PHACTR3: variants seen among roughly 807,000 people sequenced by gnomAD.
The protein encoded by PHACTR3 is protein phosphatase 1, regulatory subunit 123.
A neutral mutation model predicts 66.8 loss-of-function variants in PHACTR3; 16 were observed. That is an observed-to-expected ratio of 0.24 (90% CI 0.16 to 0.36). The LOEUF (loss-of-function observed/expected upper bound fraction) is 0.36. PHACTR3 is among the 10% of genes least tolerant of loss of function. PHACTR3 has a pLI of 1.00. For synonymous variants in PHACTR3, 323 were observed against 292.1 expected, an observed-to-expected ratio of 1.11 and a Z score of -1.08; for missense variants, 647 against 719.9, an observed-to-expected ratio of 0.90 and a Z score of 1.16.
At chr20:59,786,950 A>C (rs939921001) in intron 7 of PHACTR3, among the ~76,000 whole-genome samples, 7 of 151,686 alleles carry the variant, frequency 4.6e-5, no homozygotes, top group Non-Finnish European at 7.4e-5. Context: ...TTCAGGAAGT[A>C]TGCAGGACTT....
At chr20:59,757,275 C>T (rs1167543259) in intron 4 of PHACTR3, among the ~76,000 whole-genome samples, 1 of 152,246 alleles carries the variant, frequency 6.6e-6, no homozygotes, top group African/African-American at 2.4e-5. Flanking sequence ...CCTGTGCCTG[C>T]TCCCCTCAGT....
intron 1 of PHACTR3, among the ~76,000 whole-genome samples, chr20:59,696,633 G>A (rs1037357659): frequency 1.3e-5 from 2 of 152,144 alleles, no homozygotes; most frequent in South Asian, 2.1e-4. Flanking sequence ...TGAGAAGGCC[G>A]GGGAGCAGCT....
intron 1 of PHACTR3, among the ~76,000 whole-genome samples, chr20:59,667,850 C>T (rs1183642075): frequency 6.6e-6 from 1 of 152,206 alleles, no homozygotes; most frequent in Non-Finnish European, 1.5e-5. Context: ...GATGGCCATT[C>T]AGGCACTGCT....
chr20:59,639,132 G>C (rs1484636948), intron 1 of PHACTR3, among the ~76,000 whole-genome samples: 3 of 151,704 alleles, frequency 2.0e-5, no homozygotes. Context: ...TGATGGCTAG[G>C]TAGATATATG....
chr20:59,779,523 G>C (rs76239752), intron 7 of PHACTR3, among the ~76,000 whole-genome samples: 3 of 152,112 alleles, frequency 2.0e-5, no homozygotes, highest in Non-Finnish European at 4.4e-5. Flanking sequence ...ATCTCCATGG[G>C]GTGAAAGCAG....
chr20:59,634,325 G>A (rs909106325), intron 1 of PHACTR3, among the ~76,000 whole-genome samples: 17 of 152,204 alleles, frequency 1.1e-4, no homozygotes, highest in African/African-American at 3.9e-4. Context: ...CTCCAACTCC[G>A]TTCCCTCCTT....
chr20:59,801,741 T>C (rs1174494939), intron 7 of PHACTR3, among the ~76,000 whole-genome samples: 2 of 152,228 alleles, frequency 1.3e-5, no homozygotes, highest in African/African-American at 4.8e-5. Flanking sequence ...TTTTTCTCCA[T>C]GGAGTGAAAA....
intron 1 of PHACTR3, among the ~76,000 whole-genome samples, chr20:59,643,885 C>A (rs535757438): frequency 6.6e-6 from 1 of 152,300 alleles, no homozygotes; most frequent in South Asian, 2.1e-4. Flanking sequence ...GTGAAAGTAG[C>A]ACTTAGGCAG....
At position 59,605,116 on chromosome 20, in the gene PHACTR3, C is replaced by A; in HGVS notation, c.102C>A (p.Asp34Glu). 1 of 1,365,016 alleles carries A rather than the reference C, an allele frequency of 7.3e-7. No individual in the cohort carries two copies. The highest frequency in any genetic ancestry group is 9.5e-7 in the Non-Finnish European group (1 of 1,052,614). The allele number at this position is 1,365,016 out of a possible 1,614,324, so 84.6% of individuals were successfully genotyped here. The change falls in exon 1 of 13, where the codon GAC becomes GAA. Residue 34 changes from aspartate to glutamate, a missense_variant. Physicochemically the swap from Asp to Glu is conservative, Grantham distance 45. Coordinates refer to ENST00000371015, the MANE Select transcript of PHACTR3 (RefSeq NM_080672.5). ...ACTCCTCGGCCACCTCCTCCGCGGA[C>A]GCCGGGGAGAACCCAGGTAACGGGC... ...LTDSSATSSA[D>E]AGENPDEMDQ... is the part of the protein sequence containing the mutation.
At chr20:59,639,525 C>A (rs1048910175) in intron 1 of PHACTR3, among the ~76,000 whole-genome samples, 4 of 152,188 alleles carry the variant, frequency 2.6e-5, no homozygotes, top group Non-Finnish European at 4.4e-5. Context: ...TACCTTGGAC[C>A]TCTTCTGGGC....
chr20:59,632,997 C>A (rs2034721094), intron 1 of PHACTR3, among the ~76,000 whole-genome samples: 1 of 152,132 alleles, frequency 6.6e-6, no homozygotes, highest in African/African-American at 2.4e-5. Flanking sequence ...ACTTCCGTCC[C>A]CCACCTTGAT....
At chr20:59,745,873 A>T (rs1379851270) in intron 2 of PHACTR3, among the ~76,000 whole-genome samples, 1 of 152,162 alleles carries the variant, frequency 6.6e-6, no homozygotes, top group Non-Finnish European at 1.5e-5. Flanking sequence ...TCGCAGCTGC[A>T]TCTTTGGGTC....
At chr20:59,745,391 G>A (rs1027511888) in intron 2 of PHACTR3, among the ~76,000 whole-genome samples, 21 of 152,324 alleles carry the variant, frequency 1.4e-4, no homozygotes, top group African/African-American at 4.3e-4. Context: ...AAGCTGTGCC[G>A]TGTGAGTTCA....
intron 1 of PHACTR3, among the ~76,000 whole-genome samples, chr20:59,648,024 A>G (rs964785837): frequency 6.6e-6 from 1 of 152,208 alleles, no homozygotes; most frequent in Admixed American, 6.5e-5. Flanking sequence ...GAGGTTCCTC[A>G]TCTTATTAGT....
rs539799132 is a variant in PHACTR3 at position 59,673,742 on chromosome 20, T to C, written c.118+68610T>C. ...GAGCTCTTGGATGGGCCCTCGGCTG[T>C]CAGTGCCTCAGAGCTGCAGAAGGTC... On this transcript the variant is annotated intron_variant, in intron 1 of 12. Transcript: ENST00000371015. Among the ~76,000 whole-genome samples, 167 of 152,266 alleles carry C rather than the reference T, an allele frequency of 1.1e-3. 1 individual carries two copies. The highest frequency in any genetic ancestry group is 6.8e-4 in the Non-Finnish European group (46 of 68,014).
chr20:59,762,559 G>A (rs1368240622), intron 4 of PHACTR3, among the ~76,000 whole-genome samples: 1 of 152,126 alleles, frequency 6.6e-6, no homozygotes, highest in Non-Finnish European at 1.5e-5. Context: ...TAGTACCGAG[G>A]GTCAGGGTGG....
intron 1 of PHACTR3, among the ~76,000 whole-genome samples, chr20:59,663,431 C>T (rs992908339): frequency 2.0e-5 from 3 of 152,178 alleles, no homozygotes; most frequent in East Asian, 1.9e-4. Context: ...CACACATGGA[C>T]GTGTGAGTAA....
chr20:59,798,489 G>A (rs1043401344), intron 7 of PHACTR3, among the ~76,000 whole-genome samples: 1 of 152,184 alleles, frequency 6.6e-6, no homozygotes, highest in African/African-American at 2.4e-5. Context: ...TGAGACTGCA[G>A]TGTGTATGTG....
intron 1 of PHACTR3, among the ~76,000 whole-genome samples, chr20:59,581,315 G>C (rs371453190): frequency 6.6e-6 from 1 of 152,218 alleles, no homozygotes; most frequent in Non-Finnish European, 1.5e-5. Flanking sequence ...GGAGAGGTGT[G>C]ACCTGGCTAC....
Sources: gnomAD v4.1 joint callset for allele counts (sites outside exome capture counted in the v4.1 genomes callset) on GRCh38, gnomAD v4.1.1 for gene constraint, MANE v1.5 for transcripts, NCBI Gene and HGNC (gene_info 2026-07-23, HGNC 2026-07-21) for gene names.